Variants in MTHFD1L observed in about 807,000 individuals in gnomAD.
MTHFD1L encodes monofunctional C1-tetrahydrofolate synthase, mitochondrial.
MTHFD1L carries 81 observed loss-of-function variants against 119.5 expected under a neutral mutation model. That is an observed-to-expected ratio of 0.68 (90% confidence interval 0.57 to 0.82). The LOEUF is 0.82. MTHFD1L is among the 40% of genes least tolerant of loss of function. The pLI is 0.00. For synonymous variants in MTHFD1L, 430 were observed against 475.2 expected (o/e 0.90, Z 1.24); for missense variants, 1,125 against 1,253.4 (o/e 0.90, Z 1.55).
At chr6:150,945,369 G>T in intron 14 of MTHFD1L, 98 bp from the exon 15 acceptor site, 1 of 898,842 alleles carries the variant, frequency 1.1e-6, no homozygotes, top group Non-Finnish European at 1.8e-6. Context: ...TAAATAGTTC[G>T]GTTATAAATG....
intron 7 of MTHFD1L, among the ~76,000 whole-genome samples, chr6:150,904,031 AC>A (rs952246057): frequency 6.6e-6 from 1 of 152,098 alleles, no homozygotes; most frequent in African/African-American, 2.4e-5. Context: ...CTGTTCATAA[AC>A]CAGGTAGGAC....
intron 20 of MTHFD1L, among the ~76,000 whole-genome samples, chr6:151,004,593 G>A (rs1042589359): frequency 6.6e-6 from 1 of 152,180 alleles, no homozygotes; most frequent in Non-Finnish European, 1.5e-5. Flanking sequence ...TGGCTTTCCA[G>A]AATTGTTTTG....
chr6:151,067,183 G>A lies in MTHFD1L; in HGVS notation c.2848-25284G>A, dbSNP rs140148102. ...TAATTTTTGCATTTTTAGTAGAAAC[G>A]GGGTTTCACCACGTTGGTCAGGCTG... On this transcript the variant is annotated intron_variant, in intron 26 of 27. Coordinates refer to ENST00000367321, the MANE Select transcript of MTHFD1L (RefSeq NM_015440.5). Among the ~76,000 whole-genome samples, 380 of 151,690 alleles carry A rather than the reference G, an allele frequency of 2.5e-3. 2 individuals are homozygous for A. The highest frequency in any genetic ancestry group is 8.2e-3 in the African/African-American group (339 of 41,310).
intron 17 of MTHFD1L, chr6:150,959,252 T>C (rs1771817): frequency 0.3 from 282,494 of 952,904 alleles, 42,421 homozygotes; most frequent in East Asian, 0.49. Flanking sequence ...TTGTCAGTGA[T>C]GGAAATGGAT....
intron 8 of MTHFD1L, among the ~76,000 whole-genome samples, chr6:150,912,307 T>G (rs1229129718): frequency 2.6e-5 from 4 of 152,076 alleles, no homozygotes; most frequent in African/African-American, 9.7e-5. Context: ...TTTTGTTTTT[T>G]TTTTTCAAGT....
intron 24 of MTHFD1L, among the ~76,000 whole-genome samples, chr6:151,031,780 A>G (rs1785372281): frequency 2.6e-5 from 4 of 152,234 alleles, no homozygotes; most frequent in Admixed American, 2.6e-4. Flanking sequence ...TCAGAATAAT[A>G]GAGTTCCCAC....
intron 1 of MTHFD1L, 73 bp downstream of exon 1, chr6:150,866,122 A>G: frequency 6.9e-7 from 1 of 1,450,946 alleles, no homozygotes; most frequent in Non-Finnish European, 9.0e-7. Context: ...AGCGCCCGGG[A>G]CCGCCGTGGG....
At chr6:150,908,413 G>A (rs113375861) in intron 8 of MTHFD1L, among the ~76,000 whole-genome samples, 60 of 151,490 alleles carry the variant, frequency 4.0e-4, no homozygotes, top group Non-Finnish European at 6.5e-4. Flanking sequence ...ACCTGAGGTC[G>A]GGAGTTTGAG....
At chr6:150,899,071 G>A (rs946620078) in intron 7 of MTHFD1L, 46 of 802,506 alleles carry the variant, frequency 5.7e-5, no homozygotes, top group Non-Finnish European at 6.8e-5. Context: ...CAGAGGAATT[G>A]TCTTTTCTAG....
At chr6:150,945,834 A>G (rs1415109784) in intron 15 of MTHFD1L, among the ~76,000 whole-genome samples, 8 of 152,146 alleles carry the variant, frequency 5.3e-5, no homozygotes, top group Admixed American at 5.2e-4. Flanking sequence ...ACTCTAGTCA[A>G]CTGACAAGTT....
intron 26 of MTHFD1L, among the ~76,000 whole-genome samples, chr6:151,077,517 C>A (rs1208283136): frequency 6.6e-6 from 1 of 152,000 alleles, no homozygotes; most frequent in Non-Finnish European, 1.5e-5. Context: ...TAAAAGCCAG[C>A]AAGGGGGATG....
At chr6:151,011,674 C>G (rs986257874) in intron 21 of MTHFD1L, among the ~76,000 whole-genome samples, 1 of 152,208 alleles carries the variant, frequency 6.6e-6, no homozygotes, top group African/African-American at 2.4e-5. Flanking sequence ...TCCTTTGTGT[C>G]TCTTCCACTG....
At chr6:151,042,977 G>A (rs1354483186) in intron 26 of MTHFD1L, among the ~76,000 whole-genome samples, 4 of 152,208 alleles carry the variant, frequency 2.6e-5, no homozygotes, top group South Asian at 2.1e-4. Flanking sequence ...GCCTGTGGGA[G>A]CGGGCTCCAT....
At chr6:151,047,021 G>A (rs1788198265) in intron 26 of MTHFD1L, among the ~76,000 whole-genome samples, 1 of 152,158 alleles carries the variant, frequency 6.6e-6, no homozygotes, top group Admixed American at 6.5e-5. Flanking sequence ...GCAGTTTACA[G>A]GCTTAACTAT....
At chr6:151,028,120 A>G (rs775912431) in intron 24 of MTHFD1L, among the ~76,000 whole-genome samples, 1 of 152,084 alleles carries the variant, frequency 6.6e-6, no homozygotes, top group Non-Finnish European at 1.5e-5. Flanking sequence ...GCAGGGAAGC[A>G]GGGCCGCCCA....
At chr6:151,005,630 C>T (rs757395694) in intron 20 of MTHFD1L, among the ~76,000 whole-genome samples, 2 of 151,950 alleles carry the variant, frequency 1.3e-5, no homozygotes, top group Non-Finnish European at 2.9e-5. Context: ...AAAAATTAGC[C>T]GGGCATGATG....
rs552580428 is a variant in MTHFD1L at position 151,037,073 on chromosome 6, C to T, written c.2803C>T (p.Arg935Trp). Reference sequence around the variant, plus strand: ...CTTCATCTTACCTATCAGTGACGTCCGGGCCAGCATAGGCGCTGGGTTCAT... The same window carrying T: ...CTTCATCTTACCTATCAGTGACGTCTGGGCCAGCATAGGCGCTGGGTTCAT... ...RDFILPISDV[R>W]ASIGAGFIYP... Residue 935 changes from arginine to tryptophan, a missense_variant, in exon 26 of 28, where the codon CGG becomes TGG. Transcript: ENST00000367321. 1.1e-4 allele frequency: 182 copies of T among 1,611,962 alleles called. No individual in the cohort carries two copies. The highest frequency in any genetic ancestry group is 1.3e-4 in the Non-Finnish European group (158 of 1,179,846).
chr6:150,890,619 A>G (rs1783092720), intron 7 of MTHFD1L, among the ~76,000 whole-genome samples: 1 of 152,222 alleles, frequency 6.6e-6, no homozygotes, highest in South Asian at 2.1e-4. Context: ...GTATCCGTAC[A>G]GTTCTGCAGC....
At position 150,964,959 on chromosome 6, in the gene MTHFD1L, T is replaced by C. The variant is rs763016737; in HGVS notation, c.1945-10T>C. The C allele has an allele frequency of 6.2e-7, 1 of 1,612,950 alleles. No individual in the cohort carries two copies. The highest frequency in any genetic ancestry group is 8.5e-7 in the Non-Finnish European group (1 of 1,179,104). On this transcript the variant is annotated splice_polypyrimidine_tract_variant and intron_variant, in intron 18 of 27. Transcript: ENST00000367321. The stretch of plus-strand genomic sequence containing the variant: ...TTGTCAGGAATCTAATGTTTTTCTC[T>C]CTCCTGTAGGGGGTGACAGGTGCTT...
Sources: allele counts gnomAD v4.1 joint callset (sites outside exome capture counted in the v4.1 genomes callset), GRCh38; gene constraint gnomAD v4.1.1; transcripts MANE v1.5; gene names NCBI Gene and HGNC (gene_info 2026-07-23, HGNC 2026-07-21).